Variants in RARB observed in about 807,000 individuals in gnomAD.
RARB encodes retinoic acid receptor beta.
RARB carries 17 observed loss-of-function variants against 51.9 expected under a neutral mutation model. The observed-to-expected ratio is 0.33, with a 90% CI of 0.22 to 0.49. The LOEUF is 0.49. RARB is among the 20% of genes least tolerant of loss of function. The probability of loss-of-function intolerance (pLI) is 0.99; values close to 1 mark genes in which losing one functional copy is unlikely to be tolerated. For missense variants in RARB, 369 were observed against 550.8 expected (o/e 0.67, Z 3.30); for synonymous variants, 215 against 195.4 (o/e 1.10, Z -0.84).
chr3:25,586,406 G>T (rs1449002305), intron 5 of RARB, among the ~76,000 whole-genome samples: 2 of 152,166 alleles, frequency 1.3e-5, no homozygotes, highest in African/African-American at 4.8e-5. Context: ...GCCGTGGCAG[G>T]GTTCCAGGCT....
chr3:25,574,460 C>T (rs1267551102), intron 4 of RARB, among the ~76,000 whole-genome samples: 3 of 152,142 alleles, frequency 2.0e-5, no homozygotes, highest in East Asian at 1.9e-4. Context: ...GTCATTTTTT[C>T]GAGCCACATG....
intron 2 of RARB, among the ~76,000 whole-genome samples, chr3:24,890,963 T>C (rs1363182190): frequency 6.6e-6 from 1 of 152,166 alleles, no homozygotes; most frequent in Admixed American, 6.5e-5. Context: ...AGAGGTATTA[T>C]TGGATAGACA....
At position 25,341,961 on chromosome 3, in the gene RARB, A is replaced by G. The variant is rs145362496; in HGVS notation, c.179-119232A>G. Among the ~76,000 whole-genome samples the G allele has an allele frequency of 3.0e-3, 463 of 152,324 alleles. 6 individuals are homozygous for G. The highest frequency in any genetic ancestry group is 0.013 in the Admixed American group (199 of 15,294). On this transcript the variant is annotated intron_variant, in intron 5 of 11. Coordinates refer to the RARB transcript ENST00000383772. ...TCACAATTATAATTAAATACATTGT[A>G]TCTGTCTCTTCCACTAAAACAACAC...
chr3:25,255,296 C>T (rs530897942), intron 5 of RARB, among the ~76,000 whole-genome samples: 5 of 152,224 alleles, frequency 3.3e-5, no homozygotes, highest in African/African-American at 9.6e-5. Context: ...ATCACAGCCA[C>T]CCCAGCAGTG....
intron 5 of RARB, among the ~76,000 whole-genome samples, chr3:25,181,277 G>T (rs1007022289): frequency 6.6e-6 from 1 of 152,100 alleles, no homozygotes; most frequent in Non-Finnish European, 1.5e-5. Context: ...TTCCCACCCA[G>T]GTACCCACTG....
intron 2 of RARB, among the ~76,000 whole-genome samples, chr3:24,898,807 G>A (rs148015420): frequency 3.2e-4 from 49 of 152,220 alleles, no homozygotes; most frequent in African/African-American, 1.1e-3. Flanking sequence ...TGTCCTTCCT[G>A]TTGCGAAATA....
intron 5 of RARB, among the ~76,000 whole-genome samples, chr3:25,301,102 T>C (rs1704027005): frequency 6.6e-6 from 1 of 152,266 alleles, no homozygotes; most frequent in African/African-American, 2.4e-5. Context: ...TTCGGATTTA[T>C]GGCAGTTTGA....
chr3:24,864,144 T>C (rs140817125), intron 2 of RARB, among the ~76,000 whole-genome samples: 3 of 152,322 alleles, frequency 2.0e-5, no homozygotes, highest in African/African-American at 7.2e-5. Flanking sequence ...CCCATAACAC[T>C]GAACTGTGAG....
intron 4 of RARB, among the ~76,000 whole-genome samples, chr3:25,163,502 AAAATATATATATAT>A (rs1559488330): frequency 1.9e-5 from 1 of 54,004 alleles, no homozygotes; most frequent in African/African-American, 9.6e-5. Flanking sequence ...ACCCTATCTC[AAAATATATATATAT>A]ATATATATAT....
At chr3:25,259,040 A>C in intron 5 of RARB, 1 of 985,362 alleles carries the variant, frequency 1.0e-6, no homozygotes, top group Non-Finnish European at 1.2e-6. Flanking sequence ...ATTAGTAGGC[A>C]GGAACCAGGA....
At chr3:24,942,865 C>T (rs1431512098) in intron 2 of RARB, among the ~76,000 whole-genome samples, 2 of 152,130 alleles carry the variant, frequency 1.3e-5, no homozygotes, top group Non-Finnish European at 1.5e-5. Flanking sequence ...CATCTAAAAC[C>T]TGGCTCCATC....
intron 2 of RARB, among the ~76,000 whole-genome samples, chr3:25,023,342 A>G (rs1385842732): frequency 6.6e-6 from 1 of 152,178 alleles, no homozygotes; most frequent in Non-Finnish European, 1.5e-5. Context: ...CTTGAGTAGG[A>G]GATTGATTGA....
At chr3:25,494,253 G>GCACGCGCGCACACTCACACACACA (rs1553623182) in intron 2 of RARB, among the ~76,000 whole-genome samples, 3 of 131,852 alleles carry the variant, frequency 2.3e-5, no homozygotes, top group African/African-American at 5.2e-5. Flanking sequence ...TGTATCTTAC[G>GCACGCGCGCACACTCACACACACA]CACACACACA....
At chr3:25,550,105 T>G (rs1699787308) in intron 3 of RARB, among the ~76,000 whole-genome samples, 1 of 152,162 alleles carries the variant, frequency 6.6e-6, no homozygotes, top group Admixed American at 6.5e-5. Flanking sequence ...GTACTCAAAA[T>G]AAGATGAGAT....
intron 5 of RARB, among the ~76,000 whole-genome samples, chr3:25,272,581 C>T (rs1371392790): frequency 2.6e-5 from 4 of 152,194 alleles, no homozygotes; most frequent in African/African-American, 9.7e-5. Flanking sequence ...TTTAAAAATA[C>T]AGTATTCTGG....
intron 5 of RARB, among the ~76,000 whole-genome samples, chr3:25,176,306 T>C (rs13072882): frequency 4.3e-5 from 1 of 23,316 alleles, no homozygotes; most frequent in Non-Finnish European, 9.7e-5. Flanking sequence ...TCTTTCTTTC[T>C]TTCTTTCTTT....
intron 5 of RARB, among the ~76,000 whole-genome samples, chr3:25,585,634 G>A (rs1221347744): frequency 6.6e-6 from 1 of 152,240 alleles, no homozygotes; most frequent in Non-Finnish European, 1.5e-5. Context: ...ACAGTGATGC[G>A]TGGGTGGTGC....
chr3:24,979,742 G>A (rs752271892), intron 2 of RARB, among the ~76,000 whole-genome samples: 24 of 152,038 alleles, frequency 1.6e-4, no homozygotes, highest in Non-Finnish European at 3.1e-4. Context: ...GCCAGCCTGT[G>A]TCTTTTAATT....
At chr3:25,171,590 G>T (rs972675017) in intron 4 of RARB, among the ~76,000 whole-genome samples, 1 of 127,452 alleles carries the variant, frequency 7.8e-6, no homozygotes, top group African/African-American at 3.0e-5. Flanking sequence ...AAAGAGAAAT[G>T]AAGGATTATT....
Sources: allele counts gnomAD v4.1 joint callset (sites outside exome capture counted in the v4.1 genomes callset), GRCh38; gene constraint gnomAD v4.1.1; transcripts MANE v1.5; gene names NCBI Gene and HGNC (gene_info 2026-07-23, HGNC 2026-07-21).